NALF1: variants seen among roughly 807,000 people sequenced by gnomAD.
The protein encoded by NALF1 is family with sequence similarity 155 member A.
NALF1 carries 3 observed loss-of-function variants against 48.4 expected under a neutral mutation model. The observed-to-expected ratio is 0.06, with a 90% CI of 0.03 to 0.16. The LOEUF is 0.16. Among genes scored for constraint, NALF1 ranks in the 10% least tolerant of loss-of-function variants. NALF1 has a pLI of 1.00. For synonymous variants in NALF1, 262 were observed against 245.7 expected (o/e 1.07, Z -0.62); for missense variants, 526 against 571.5 (o/e 0.92, Z 0.81).
rs912736340 is a variant in NALF1, at chr13:107,164,675, C to T, written c.*5822G>A. The T allele has an allele frequency of 6.6e-6, 1 of 151,842 alleles. No individual in the cohort carries two copies. The highest frequency in any genetic ancestry group is 2.4e-5 in the African/African-American group (1 of 41,332). 9.4% of individuals were successfully genotyped at this position (151,842 alleles called of 1,614,324 possible). ...GAGTGGAAATCGAAAATAGCCAATGCTGTTTATATTAAAAGTCATCAGAGC... is the reference window on the plus strand; with the variant it reads ...GAGTGGAAATCGAAAATAGCCAATGTTGTTTATATTAAAAGTCATCAGAGC... On this transcript the variant is annotated 3_prime_UTR_variant, in exon 3 of 3. Transcript: ENST00000375915.
At chr13:107,308,057 C>A (rs1444806703) in intron 1 of NALF1, among the ~76,000 whole-genome samples, 4 of 152,044 alleles carry the variant, frequency 2.6e-5, no homozygotes, top group Non-Finnish European at 5.9e-5. Context: ...TCATGTGACA[C>A]CCTTAGTATA....
intron 1 of NALF1, among the ~76,000 whole-genome samples, chr13:107,804,236 G>A (rs1426229037): frequency 2.0e-5 from 3 of 152,094 alleles, no homozygotes; most frequent in Admixed American, 1.3e-4. Context: ...CCTTGTTCAC[G>A]CCCATCTTCT....
chr13:107,819,515 G>A (rs1879290776), intron 1 of NALF1, among the ~76,000 whole-genome samples: 1 of 152,136 alleles, frequency 6.6e-6, no homozygotes, highest in African/African-American at 2.4e-5. Flanking sequence ...TTGGCCAAAT[G>A]AATCTTCCAC....
intron 1 of NALF1, among the ~76,000 whole-genome samples, chr13:107,474,966 A>T (rs1885156176): frequency 6.6e-6 from 1 of 152,270 alleles, no homozygotes; most frequent in East Asian, 1.9e-4. Flanking sequence ...AGGCTGTCAC[A>T]TTTTCCTGAA....
rs150525046 is a variant in NALF1 at position 107,307,163 on chromosome 13, A to G, written c.916-96408T>C. Among the ~76,000 whole-genome samples the G allele has an allele frequency of 6.4e-4, 98 of 152,340 alleles. No individual in the cohort carries two copies. The East Asian group carries it at 0.017, about 26-fold the overall frequency. ...CAGGGCTCTAAATCATTTTAATTGA[A>G]AGTGTGCCCACAAGTGAATGAAGTG... is the stretch of plus-strand genomic sequence containing the variant. On this transcript the variant is annotated intron_variant, in intron 1 of 2. Coordinates refer to ENST00000375915, the MANE Select transcript of NALF1 (RefSeq NM_001080396.3).
intron 1 of NALF1, among the ~76,000 whole-genome samples, chr13:107,747,578 C>T (rs1460132890): frequency 1.3e-5 from 2 of 152,144 alleles, no homozygotes; most frequent in African/African-American, 4.8e-5. Flanking sequence ...TAATGTTTGA[C>T]AGGGAGTCTT....
intron 1 of NALF1, among the ~76,000 whole-genome samples, chr13:107,695,954 C>T (rs1881690475): frequency 6.7e-6 from 1 of 150,134 alleles, no homozygotes; most frequent in Non-Finnish European, 1.5e-5. Context: ...TGGGGTGCAA[C>T]TGCACAACCT....
intron 1 of NALF1, among the ~76,000 whole-genome samples, chr13:107,494,735 T>C (rs1172321586): frequency 1.3e-5 from 2 of 152,192 alleles, no homozygotes; most frequent in African/African-American, 4.8e-5. Flanking sequence ...AAAGTTCAAA[T>C]AGTGCAAATG....
rs148283577 is a variant in NALF1 at position 107,254,940 on chromosome 13, T to C, written c.916-44185A>G. ...ATCACTGAACCTATGGAAGGCCATA[T>C]TTACTTCATCTTTCCTTTCAAAGAT... is the stretch of plus-strand genomic sequence containing the variant. On this transcript the variant is annotated intron_variant, in intron 1 of 2. Transcript: ENST00000375915. Among the ~76,000 whole-genome samples, 1,221 of 152,312 alleles carry C rather than the reference T, an allele frequency of 8.0e-3. 17 individuals carry two copies. The highest frequency in any genetic ancestry group is 0.028 in the African/African-American group (1,151 of 41,568).
chr13:107,587,237 A>G (rs925635571), intron 1 of NALF1, among the ~76,000 whole-genome samples: 17 of 152,118 alleles, frequency 1.1e-4, no homozygotes, highest in Admixed American at 1.1e-3. Flanking sequence ...GAGTTTCTAC[A>G]TATGAACTGC....
At chr13:107,791,523 T>G (rs1303635017) in intron 1 of NALF1, among the ~76,000 whole-genome samples, 1 of 152,200 alleles carries the variant, frequency 6.6e-6, no homozygotes, top group African/African-American at 2.4e-5. Flanking sequence ...CAAAAAACAT[T>G]AGTTTAGGCT....
chr13:107,351,440 C>T (rs1882870389), intron 1 of NALF1, among the ~76,000 whole-genome samples: 1 of 152,160 alleles, frequency 6.6e-6, no homozygotes, highest in Admixed American at 6.5e-5. Flanking sequence ...TCATCCTTCA[C>T]GCATCTCCTG....
At chr13:107,605,440 A>C (rs547652588) in intron 1 of NALF1, among the ~76,000 whole-genome samples, 1 of 152,316 alleles carries the variant, frequency 6.6e-6, no homozygotes, top group South Asian at 2.1e-4. Flanking sequence ...TTGCAGATTC[A>C]TAACAGAGAC....
intron 1 of NALF1, among the ~76,000 whole-genome samples, chr13:107,541,410 A>G (rs1876995495): frequency 6.6e-6 from 1 of 152,092 alleles, no homozygotes; most frequent in Non-Finnish European, 1.5e-5. Context: ...ATTTAATCAA[A>G]AGAGAAGAAT....
chr13:107,165,983 G>C lies in NALF1; in HGVS notation c.*4514C>G, dbSNP rs1033448220. On this transcript the variant is annotated 3_prime_UTR_variant, in exon 3 of 3. Transcript: ENST00000375915. ...GCTGTTATGGACTACATAATGTTTT[G>C]GTTGAAGTTTTATTTGCAAGCGATG... The C allele has an allele frequency of 2.7e-5, 4 of 150,622 alleles. No individual in the cohort carries two copies. The highest frequency in any genetic ancestry group is 4.9e-5 in the African/African-American group (2 of 40,444). 9.3% of individuals were successfully genotyped at this position (150,622 alleles called of 1,614,324 possible).
intron 1 of NALF1, chr13:107,788,654 A>C (rs1037084132): frequency 6.6e-6 from 1 of 152,226 alleles, no homozygotes; most frequent in Admixed American, 6.5e-5. Flanking sequence ...AGCTCTGCTG[A>C]ACATGTCCAT....
At chr13:107,491,381 G>A (rs145835301) in intron 1 of NALF1, among the ~76,000 whole-genome samples, 1 of 152,156 alleles carries the variant, frequency 6.6e-6, no homozygotes, top group Non-Finnish European at 1.5e-5. Flanking sequence ...CTGTGGAGAC[G>A]ACACAGTTTT....
At chr13:107,617,461 C>T (rs1879409924) in intron 1 of NALF1, among the ~76,000 whole-genome samples, 2 of 152,180 alleles carry the variant, frequency 1.3e-5, no homozygotes, top group Non-Finnish European at 2.9e-5. Flanking sequence ...ATTTACTTAA[C>T]AACTTAAAGA....
rs1453002552 is a variant in NALF1, at chr13:107,447,010, A to G, written c.916-236255T>C. On this transcript the variant is annotated intron_variant, in intron 1 of 2. Transcript: ENST00000375915. ...GTACTTGATAAATTGGAGACATCAA[A>G]TAAATATTTGTCTGATGAACAAATG... Among the ~76,000 whole-genome samples the G allele has an allele frequency of 2.0e-5, 3 of 152,222 alleles. No homozygotes were observed. The East Asian group carries it at 5.8e-4, about 29-fold the overall frequency.
Sources: gnomAD v4.1 joint callset for allele counts (sites outside exome capture counted in the v4.1 genomes callset) on GRCh38, gnomAD v4.1.1 for gene constraint, MANE v1.5 for transcripts, NCBI Gene and HGNC (gene_info 2026-07-23, HGNC 2026-07-21) for gene names.